SLC14A2: variants seen among roughly 807,000 people sequenced by gnomAD.
SLC14A2 encodes the protein solute carrier family 14 member 2, also known as urea transporter 2.
SLC14A2 carries 91 observed loss-of-function variants against 104.6 expected under a neutral mutation model. The observed-to-expected ratio is 0.87, with a 90% CI of 0.73 to 1.04. SLC14A2 has a LOEUF of 1.04. SLC14A2 is among the 50% of genes least tolerant of loss of function. The pLI is 0.00. For missense variants in SLC14A2, 1,189 were observed against 1,156.0 expected, an observed-to-expected ratio of 1.03 and a Z score of -0.41; for synonymous variants, 476 against 466.4, an observed-to-expected ratio of 1.02 and a Z score of -0.27.
At chr18:45,567,597 C>T (rs1264843397) in intron 2 of SLC14A2, among the ~76,000 whole-genome samples, 1 of 152,080 alleles carries the variant, frequency 6.6e-6, no homozygotes, top group African/African-American at 2.4e-5. Flanking sequence ...AACCTGTGTC[C>T]AGGGGTTAGC....
At chr18:45,583,660 A>C (rs2044529234) in intron 2 of SLC14A2, among the ~76,000 whole-genome samples, 1 of 152,236 alleles carries the variant, frequency 6.6e-6, no homozygotes. Context: ...CATCCAGATA[A>C]GAAATCTTGG....
rs932359631 is a variant in SLC14A2 at position 45,301,635 on chromosome 18, T to G, written c.-125+88444T>G. Among the ~76,000 whole-genome samples, 3 of 152,372 alleles carry G rather than the reference T, an allele frequency of 2.0e-5. No homozygotes were observed. In the South Asian group the frequency reaches 6.2e-4, roughly 32 times the overall value. ...ATTTGTGACTGATATCAGAGATTTG[T>G]TTTTGTGCAATTCAATCAAACTGGC... is the stretch of plus-strand genomic sequence containing the variant. On this transcript the variant is annotated intron_variant, in intron 1 of 20. Coordinates refer to the SLC14A2 transcript ENST00000586448.
rs1415113823 is a variant in SLC14A2 at position 45,389,895 on chromosome 18, G to A, written c.-124-93338G>A. On this transcript the variant is annotated intron_variant, in intron 1 of 20. Coordinates refer to the SLC14A2 transcript ENST00000586448. ...GATGGATATCCAAACTTTAATCTTC[G>A]AGAATGTAACTGTAGCACGTAAAAG... is the stretch of plus-strand genomic sequence containing the variant. 2.6e-5 allele frequency among the ~76,000 whole-genome samples: 4 copies of A among 152,122 alleles called. 1 individual carries two copies. Among genetic ancestry groups the A allele is most frequent in the South Asian group, 4.1e-4 (2 of 4,826 alleles).
At chr18:45,185,509 G>A in the SLC14A2 span, among the ~76,000 whole-genome samples, 10 of 152,202 alleles carry the variant, frequency 6.6e-5, no homozygotes, top group Non-Finnish European at 1.2e-4. Flanking sequence ...CTGATGAAAG[G>A]CATCTACAAT....
Position 45,428,540 on chromosome 18 carries a change from A to G in SLC14A2, c.-124-54693A>G, listed in dbSNP as rs1305756678. Among the ~76,000 whole-genome samples, 7 of 152,190 alleles carry G rather than the reference A, an allele frequency of 4.6e-5. No homozygotes were observed. In the East Asian group the frequency reaches 7.7e-4, roughly 17 times the overall value. The stretch of plus-strand genomic sequence containing the variant: ...AGCTCAGGAAGGGAAATCCTTGAGG[A>G]CTGAAGAGGAGCCACCCCTATAGGC... On this transcript the variant is annotated intron_variant, in intron 1 of 20. Coordinates refer to the SLC14A2 transcript ENST00000586448.
chr18:45,565,834 G>C (rs1215507559), intron 2 of SLC14A2, among the ~76,000 whole-genome samples: 55 of 152,090 alleles, frequency 3.6e-4, no homozygotes, highest in Non-Finnish European at 2.9e-5. Context: ...TCTGCCTCAG[G>C]GGTCACTTCA....
chr18:45,236,633 A>G (rs1190221489), intron 1 of SLC14A2, among the ~76,000 whole-genome samples: 1 of 150,634 alleles, frequency 6.6e-6, no homozygotes, highest in East Asian at 1.9e-4. Flanking sequence ...GTGTGGGTGT[A>G]TACACACACT....
chr18:45,593,840 A>G (rs1349993505), intron 2 of SLC14A2, among the ~76,000 whole-genome samples: 1 of 152,194 alleles, frequency 6.6e-6, no homozygotes, highest in East Asian at 1.9e-4. Context: ...TTAGAAAACT[A>G]TGCTATTTGT....
intron 1 of SLC14A2, among the ~76,000 whole-genome samples, chr18:45,397,945 A>G (rs1243946075): frequency 1.3e-5 from 2 of 152,142 alleles, no homozygotes; most frequent in Non-Finnish European, 2.9e-5. Context: ...ATATAAATAA[A>G]TAAATAAATA....
intron 2 of SLC14A2, among the ~76,000 whole-genome samples, chr18:45,594,401 T>A (rs985561875): frequency 6.6e-6 from 1 of 152,210 alleles, no homozygotes; most frequent in Non-Finnish European, 1.5e-5. Flanking sequence ...ACCCATAGAC[T>A]CATCTGGTCA....
chr18:45,210,564 G>A (rs1484167479), upstream of SLC14A2, among the ~76,000 whole-genome samples: 1 of 152,204 alleles, frequency 6.6e-6, no homozygotes, highest in Non-Finnish European at 1.5e-5. Flanking sequence ...AGGCAAGAGC[G>A]TAATGCTGTT....
intron 2 of SLC14A2, among the ~76,000 whole-genome samples, chr18:45,588,609 T>G (rs73423730): frequency 2.9e-4 from 44 of 152,290 alleles, no homozygotes; most frequent in African/African-American, 1.0e-3. Context: ...TTACTAAAAC[T>G]CCTCTCTGGT....
At chr18:45,508,503 G>T (rs531588197) in intron 2 of SLC14A2, among the ~76,000 whole-genome samples, 51 of 152,222 alleles carry the variant, frequency 3.4e-4, no homozygotes, top group Non-Finnish European at 5.4e-4. Context: ...TGATCGTGAG[G>T]CTTCCTTAGC....
chr18:45,543,036 C>T (rs1598984712), intron 2 of SLC14A2, among the ~76,000 whole-genome samples: 3 of 152,200 alleles, frequency 2.0e-5, no homozygotes, highest in Admixed American at 1.3e-4. Context: ...GTAACCTCCG[C>T]TTCCCGGGTT....
intron 1 of SLC14A2, among the ~76,000 whole-genome samples, chr18:45,311,226 T>C (rs1249298906): frequency 6.6e-6 from 1 of 152,230 alleles, no homozygotes; most frequent in Non-Finnish European, 1.5e-5. Context: ...GTCAGAAGGC[T>C]GTGGTAGGGA....
intron 2 of SLC14A2, among the ~76,000 whole-genome samples, chr18:45,498,795 TC>T (rs1332298367): frequency 6.6e-6 from 1 of 152,184 alleles, no homozygotes; most frequent in Non-Finnish European, 1.5e-5. Flanking sequence ...TGGCATTCCA[TC>T]TCTCCACTTT....
intron 1 of SLC14A2, among the ~76,000 whole-genome samples, chr18:45,382,132 G>A (rs1001983639): frequency 6.6e-6 from 1 of 152,168 alleles, no homozygotes; most frequent in African/African-American, 2.4e-5. Context: ...GACAAGGGAT[G>A]GATTTATGGT....
At chr18:45,241,639 CTTTT>C (rs370878349) in intron 1 of SLC14A2, among the ~76,000 whole-genome samples, 77 of 118,020 alleles carry the variant, frequency 6.5e-4, no homozygotes, top group African/African-American at 1.6e-3. Context: ...TTTCTTTTCT[CTTTT>C]TTTTTTTTTT....
intron 1 of SLC14A2, among the ~76,000 whole-genome samples, chr18:45,414,865 C>A (rs1483281232): frequency 6.8e-6 from 1 of 147,052 alleles, no homozygotes; most frequent in African/African-American, 2.5e-5. Flanking sequence ...AATTCCCCAG[C>A]CTTCCCTTCT....
Sources: allele counts gnomAD v4.1 joint callset (sites outside exome capture counted in the v4.1 genomes callset), GRCh38; gene constraint gnomAD v4.1.1; transcripts MANE v1.5; gene names NCBI Gene and HGNC (gene_info 2026-07-23, HGNC 2026-07-21).